Variants in KAT2B observed in about 807,000 individuals in gnomAD.
The protein encoded by KAT2B is histone acetyltransferase KAT2B.
A neutral mutation model predicts 105.9 loss-of-function variants in KAT2B; 36 were observed. The ratio of observed to expected loss-of-function variants is 0.34; its 90% CI spans 0.26 to 0.45. The LOEUF is 0.45. Ranked by LOEUF, KAT2B falls within the 20% of genes least tolerant of loss-of-function variation. The probability of loss-of-function intolerance (pLI) is 1.00; values close to 1 mark genes in which losing one functional copy is unlikely to be tolerated. For synonymous variants in KAT2B, 397 were observed against 377.9 expected (o/e 1.05, Z -0.59); for missense variants, 820 against 1,021.6 (o/e 0.80, Z 2.69).
chr3:20,050,090 C>T (rs1202174942), intron 1 of KAT2B, among the ~76,000 whole-genome samples: 1 of 151,770 alleles, frequency 6.6e-6, no homozygotes, highest in Admixed American at 6.6e-5. Context: ...GTCCCAGCTA[C>T]TCAGAAGGCT....
In KAT2B at chr3:20,040,615, C is replaced by G; in HGVS notation, c.138C>G (p.Ala46=). ...AGGGCTCCCCCTGCGCCGCTGCCGCCGGGGGCTCGGGCGCCTGCGGTCCGG... is the reference window on the plus strand; with the variant it reads ...AGGGCTCCCCCTGCGCCGCTGCCGCGGGGGGCTCGGGCGCCTGCGGTCCGG... The part of the protein sequence containing the change: ...PPQGSPCAAA[A]GGSGACGPAT... The change falls in exon 1 of 18, where the codon GCC becomes GCG. Residue 46 remains alanine, a synonymous_variant. Transcript: ENST00000263754. 7.7e-7 allele frequency: 1 copy of G among 1,299,260 alleles called. No individual in the cohort carries two copies. The allele number at this position is 1,299,260 out of a possible 1,614,324, so 80.5% of individuals were successfully genotyped here. A position where few individuals can be genotyped will look rare whatever the true frequency, so the allele number is the denominator to read the frequency against.
rs552318950 is a variant in KAT2B, at chr3:20,122,247, A to G, written c.1277-421A>G. 3.6e-4 allele frequency among the ~76,000 whole-genome samples: 55 copies of G among 152,312 alleles called. 2 individuals are homozygous for G. In the South Asian group the frequency reaches 0.011, roughly 29 times the overall value. On this transcript the variant is annotated intron_variant, in intron 8 of 17. Transcript: ENST00000263754. The stretch of plus-strand genomic sequence containing the variant: ...CATTCTTTCCAAGAAGACACTGCAC[A>G]TTTACAAAAGATTGGTCTTATTTTA...
intron 1 of KAT2B, among the ~76,000 whole-genome samples, chr3:20,045,068 A>G (rs1051188604): frequency 2.6e-5 from 4 of 152,096 alleles, no homozygotes; most frequent in African/African-American, 9.7e-5. Flanking sequence ...TGGCAGGAGT[A>G]CAGTGGCGTG....
At chr3:20,138,922 C>G (rs1323798112) in intron 12 of KAT2B, among the ~76,000 whole-genome samples, 1 of 152,086 alleles carries the variant, frequency 6.6e-6, no homozygotes, top group Non-Finnish European at 1.5e-5. Context: ...GAGACAGGGT[C>G]TTACACTGTC....
chr3:20,098,638 G>A (rs1311303182), intron 3 of KAT2B, among the ~76,000 whole-genome samples: 3 of 152,078 alleles, frequency 2.0e-5, no homozygotes, highest in Non-Finnish European at 4.4e-5. Flanking sequence ...AATGGGCCAA[G>A]TTCCTAAATG....
At chr3:20,114,038 G>C (rs1413552800) in intron 6 of KAT2B, among the ~76,000 whole-genome samples, 6 of 152,000 alleles carry the variant, frequency 3.9e-5, no homozygotes. Flanking sequence ...AAAAAATTCA[G>C]TAAGCCTCAG....
At chr3:20,070,944 G>A (rs556753043) in intron 1 of KAT2B, among the ~76,000 whole-genome samples, 1 of 151,208 alleles carries the variant, frequency 6.6e-6, no homozygotes, top group Admixed American at 6.6e-5. Context: ...GAGAGGTGGA[G>A]GATGCAGTGA....
chr3:20,148,056 A>G (rs1400828284), intron 15 of KAT2B, 57 bp downstream of exon 15: 2 of 1,562,626 alleles, frequency 1.3e-6, no homozygotes, highest in Non-Finnish European at 1.8e-6. Context: ...TTCCCCACCA[A>G]GCAACTTAAA....
At chr3:20,073,342 C>G (rs559644814) in intron 2 of KAT2B, among the ~76,000 whole-genome samples, 3 of 152,274 alleles carry the variant, frequency 2.0e-5, no homozygotes, top group African/African-American at 7.2e-5. Flanking sequence ...CTCTTTCCAC[C>G]TGACCATTAT....
chr3:20,072,145 A>G (rs1559518372), intron 1 of KAT2B, among the ~76,000 whole-genome samples, 188 bp from the exon 2 acceptor site: 1 of 152,216 alleles, frequency 6.6e-6, no homozygotes, highest in Non-Finnish European at 1.5e-5. Flanking sequence ...AAAGAAAACA[A>G]AAAGCAAAGC....
At position 20,067,135 on chromosome 3, in the gene KAT2B, A is replaced by G. The variant is rs561024465; in HGVS notation, c.304-5198A>G. ...GTTTGGGAAGTCTCAGTCATTATGA[A>G]CAAAAGAAATAAAAATATACTTTGT... On this transcript the variant is annotated intron_variant, in intron 1 of 17. Transcript: ENST00000263754. 2.6e-5 allele frequency among the ~76,000 whole-genome samples: 4 copies of G among 152,284 alleles called. No individual in the cohort carries two copies. The South Asian group carries it at 8.3e-4, about 32-fold the overall frequency.
intron 1 of KAT2B, among the ~76,000 whole-genome samples, chr3:20,053,483 C>T (rs1430159765): frequency 4.6e-5 from 7 of 152,102 alleles, no homozygotes; most frequent in South Asian, 2.1e-4. Context: ...TGTGGTGAGC[C>T]GTGAGTGTGC....
intron 1 of KAT2B, among the ~76,000 whole-genome samples, chr3:20,064,525 G>A (rs2125175590): frequency 6.6e-6 from 1 of 152,242 alleles, no homozygotes; most frequent in African/African-American, 2.4e-5. Flanking sequence ...TAAACATTAT[G>A]ACTTTGTCCA....
intron 12 of KAT2B, among the ~76,000 whole-genome samples, chr3:20,138,043 T>C (rs759643294): frequency 6.6e-6 from 1 of 152,222 alleles, no homozygotes; most frequent in South Asian, 2.1e-4. Context: ...TGCATATTAT[T>C]TTTAATAGTG....
intron 10 of KAT2B, 28 bp downstream of exon 10, chr3:20,126,141 C>T (rs754389731): frequency 1.3e-6 from 2 of 1,536,440 alleles, no homozygotes; most frequent in South Asian, 1.2e-5. Flanking sequence ...TTCCTTCTTC[C>T]TTATTTCCTT....
At chr3:20,111,378 G>C (rs191566817) in intron 5 of KAT2B, among the ~76,000 whole-genome samples, 1 of 152,306 alleles carries the variant, frequency 6.6e-6, no homozygotes, top group Admixed American at 6.5e-5. Context: ...TGATGCTGCA[G>C]AATAAGGTGA....
At chr3:20,085,874 T>A (rs1452246585) in intron 2 of KAT2B, among the ~76,000 whole-genome samples, 1 of 152,248 alleles carries the variant, frequency 6.6e-6, no homozygotes, top group East Asian at 1.9e-4. Context: ...TTGATTATTC[T>A]TTTTCTATTT....
At chr3:20,049,416 T>G (rs6808352) in intron 1 of KAT2B, among the ~76,000 whole-genome samples, 60,171 of 151,938 alleles carry the variant, frequency 0.4, 12,702 homozygotes, top group African/African-American at 0.53. Flanking sequence ...GGTAAGGGAG[T>G]TCATTTTACT....
intron 17 of KAT2B, among the ~76,000 whole-genome samples, chr3:20,151,095 G>A (rs1699861562): frequency 6.6e-6 from 1 of 152,156 alleles, no homozygotes; most frequent in African/African-American, 2.4e-5. Flanking sequence ...GAGATTTGAT[G>A]AGTCTTTGTG....
Sources: gnomAD v4.1 joint callset for allele counts (sites outside exome capture counted in the v4.1 genomes callset) on GRCh38, gnomAD v4.1.1 for gene constraint, MANE v1.5 for transcripts, NCBI Gene and HGNC (gene_info 2026-07-23, HGNC 2026-07-21) for gene names.